SMYD3: variants seen among roughly 807,000 people sequenced by gnomAD.
SMYD3 encodes SET and MYND domain containing 3, also known as histone-lysine N-methyltransferase SMYD3.
In SMYD3, 36 loss-of-function variants were observed where a neutral mutation model predicts 57.7. The observed-to-expected ratio is 0.62, with a 90% CI of 0.48 to 0.82. SMYD3 has a LOEUF of 0.82. Ranked by LOEUF, SMYD3 falls within the 40% of genes least tolerant of loss-of-function variation. SMYD3 has a pLI of 0.00. For missense variants in SMYD3, 515 were observed against 538.8 expected, an observed-to-expected ratio of 0.96 and a Z score of 0.44; for synonymous variants, 211 against 195.0, an observed-to-expected ratio of 1.08 and a Z score of -0.68.
chr1:246,119,456 A>T (rs1304494508), intron 5 of SMYD3, among the ~76,000 whole-genome samples: 2 of 144,804 alleles, frequency 1.4e-5, no homozygotes, highest in African/African-American at 5.1e-5. Flanking sequence ...TTTACTGACC[A>T]GGCTGGAGTG....
At chr1:246,328,397 A>T (rs1427479453) in intron 4 of SMYD3, among the ~76,000 whole-genome samples, 1 of 152,234 alleles carries the variant, frequency 6.6e-6, no homozygotes, top group Non-Finnish European at 1.5e-5. Context: ...ACTTAAGGTC[A>T]TGTGTATGAC....
intron 10 of SMYD3, among the ~76,000 whole-genome samples, chr1:245,777,899 C>T (rs1045041257): frequency 3.3e-5 from 5 of 152,098 alleles, no homozygotes; most frequent in African/African-American, 1.2e-4. Flanking sequence ...GCAGTTATAA[C>T]ACATTATTTA....
At chr1:245,796,333 T>C (rs1245546108) in intron 10 of SMYD3, among the ~76,000 whole-genome samples, 1 of 146,666 alleles carries the variant, frequency 6.8e-6, no homozygotes, top group African/African-American at 2.7e-5. Context: ...TAATGGAGAT[T>C]TGGAATTCTA....
intron 5 of SMYD3, among the ~76,000 whole-genome samples, chr1:246,270,304 T>TA (rs2064197099): frequency 1.3e-5 from 2 of 152,260 alleles, no homozygotes; most frequent in Admixed American, 1.3e-4. Context: ...TTTCATTTTT[T>TA]ATTGCAATAA....
chr1:246,080,327 G>A (rs2060618814), intron 5 of SMYD3, among the ~76,000 whole-genome samples: 1 of 152,120 alleles, frequency 6.6e-6, no homozygotes, highest in Admixed American at 6.5e-5. Context: ...GCTCAGAAAA[G>A]TGGCAGCATT....
chr1:245,797,443 A>G (rs550557706), intron 10 of SMYD3, among the ~76,000 whole-genome samples: 437 of 146,536 alleles, frequency 3.0e-3, no homozygotes, highest in Admixed American at 6.9e-3. Flanking sequence ...ACCAAACACC[A>G]CATGTTCTCA....
At chr1:245,785,213 G>A (rs2148155844) in intron 10 of SMYD3, among the ~76,000 whole-genome samples, 1 of 152,090 alleles carries the variant, frequency 6.6e-6, no homozygotes, top group Middle Eastern at 3.4e-3. Flanking sequence ...AAATGGTAAT[G>A]TTACATTACG....
At chr1:246,337,852 C>T (rs1443550539) in intron 2 of SMYD3, among the ~76,000 whole-genome samples, 1 of 152,136 alleles carries the variant, frequency 6.6e-6, no homozygotes, top group African/African-American at 2.4e-5. Flanking sequence ...AAGTACAAAA[C>T]GTACACCAGA....
chr1:245,766,664 G>A (rs2046119314), intron 10 of SMYD3, among the ~76,000 whole-genome samples: 1 of 152,176 alleles, frequency 6.6e-6, no homozygotes, highest in Admixed American at 6.5e-5. Context: ...CCTGGATTTG[G>A]GGTGTTATAT....
At chr1:245,773,501 A>G (rs1180754387) in intron 10 of SMYD3, among the ~76,000 whole-genome samples, 1 of 152,198 alleles carries the variant, frequency 6.6e-6, no homozygotes, top group Non-Finnish European at 1.5e-5. Context: ...GGGAAACCTC[A>G]GGGGCTGTGT....
chr1:246,184,847 A>T (rs1378944456), intron 5 of SMYD3, among the ~76,000 whole-genome samples: 1 of 152,168 alleles, frequency 6.6e-6, no homozygotes, highest in Non-Finnish European at 1.5e-5. Context: ...AGTGTTGAGA[A>T]CTGTGAGGAA....
chr1:246,254,056 CTT>C (rs2063839524), intron 5 of SMYD3, among the ~76,000 whole-genome samples: 2 of 152,112 alleles, frequency 1.3e-5, no homozygotes, highest in African/African-American at 4.8e-5. Context: ...ATTAAAAAAA[CTT>C]TGTCAGATGT....
intron 5 of SMYD3, among the ~76,000 whole-genome samples, chr1:246,302,356 G>A (rs2064904926): frequency 6.6e-6 from 1 of 152,110 alleles, no homozygotes; most frequent in South Asian, 2.1e-4. Context: ...GCATTTTTCA[G>A]TCATAGCCAA....
intron 5 of SMYD3, among the ~76,000 whole-genome samples, chr1:245,948,998 C>T (rs1355724375): frequency 1.3e-5 from 2 of 152,228 alleles, no homozygotes; most frequent in East Asian, 1.9e-4. Context: ...CCCGACCTGC[C>T]GCTACCAGCA....
intron 1 of SMYD3, among the ~76,000 whole-genome samples, chr1:246,438,404 T>C (rs1248758853): frequency 1.3e-5 from 2 of 151,948 alleles, no homozygotes; most frequent in Admixed American, 1.3e-4. Context: ...GGCTTAGGGG[T>C]GAATGATAAG....
intron 1 of SMYD3, among the ~76,000 whole-genome samples, chr1:246,421,393 T>C (rs1383781273): frequency 1.3e-5 from 2 of 152,076 alleles, no homozygotes; most frequent in African/African-American, 2.4e-5. Flanking sequence ...AGACCCCCAC[T>C]GTATTTTGTA....
chr1:246,362,861 T>G (rs1352323012), intron 1 of SMYD3, among the ~76,000 whole-genome samples: 2 of 152,070 alleles, frequency 1.3e-5, no homozygotes, highest in Non-Finnish European at 2.9e-5. Context: ...GTGCCGAGAT[T>G]GCAGCCTCTG....
At chr1:245,957,203 A>C (rs1183474016) in intron 5 of SMYD3, among the ~76,000 whole-genome samples, 2 of 152,224 alleles carry the variant, frequency 1.3e-5, no homozygotes, top group Non-Finnish European at 2.9e-5. Context: ...CATGAAATTG[A>C]GTATTATTCG....
At chr1:245,874,284 T>TA (rs1170099184) in intron 8 of SMYD3, among the ~76,000 whole-genome samples, 8 of 152,228 alleles carry the variant, frequency 5.3e-5, no homozygotes, top group African/African-American at 1.4e-4. Flanking sequence ...ATAATGATTA[T>TA]AACAGGCAAT....
Sources: allele counts gnomAD v4.1 joint callset (sites outside exome capture counted in the v4.1 genomes callset), GRCh38; gene constraint gnomAD v4.1.1; transcripts MANE v1.5; gene names NCBI Gene and HGNC (gene_info 2026-07-23, HGNC 2026-07-21).